The following KCNIP4 variants were observed in gnomAD, a reference collection of about 807,000 sequenced individuals.
KCNIP4 encodes potassium voltage-gated channel interacting protein 4.
A neutral mutation model predicts 34.0 loss-of-function variants in KCNIP4; 12 were observed. The observed-to-expected ratio is 0.35, with a 90% CI of 0.23 to 0.57. The LOEUF is 0.57. KCNIP4 is among the 20% of genes least tolerant of loss of function. The pLI is 0.83. For synonymous variants in KCNIP4, 124 were observed against 102.2 expected, an observed-to-expected ratio of 1.21 and a Z score of -1.29; for missense variants, 238 against 311.7, an observed-to-expected ratio of 0.76 and a Z score of 1.78.
At chr4:21,862,391 C>A (rs753812146) in intron 1 of KCNIP4, among the ~76,000 whole-genome samples, 4 of 152,072 alleles carry the variant, frequency 2.6e-5, no homozygotes, top group Non-Finnish European at 5.9e-5. Flanking sequence ...AAATAAAATT[C>A]TCTGTTCTAA....
At chr4:21,044,446 G>A (rs1742255751) in intron 1 of KCNIP4, among the ~76,000 whole-genome samples, 1 of 152,016 alleles carries the variant, frequency 6.6e-6, no homozygotes, top group African/African-American at 2.4e-5. Context: ...CAAGTAGCTG[G>A]GACTAGAGGC....
intron 2 of KCNIP4, among the ~76,000 whole-genome samples, chr4:20,879,240 C>T (rs977051274): frequency 2.6e-5 from 4 of 152,110 alleles, no homozygotes; most frequent in South Asian, 4.1e-4. Context: ...CTGGTTGAGG[C>T]GATACTAGTG....
At chr4:21,696,152 T>TA (rs1262298076) in intron 1 of KCNIP4, among the ~76,000 whole-genome samples, 1 of 152,166 alleles carries the variant, frequency 6.6e-6, no homozygotes, top group African/African-American at 2.4e-5. Context: ...ATCCTCTTAA[T>TA]ATCTATTAAT....
chr4:21,096,956 G>A lies in KCNIP4; in HGVS notation c.62-214247C>T, dbSNP rs78796893. Among the ~76,000 whole-genome samples, 492 of 151,848 alleles carry A rather than the reference G, an allele frequency of 3.2e-3. 2 individuals are homozygous for A. The highest frequency in any genetic ancestry group is 0.011 in the African/African-American group (450 of 41,394). ...TAATTTAAAGCTGGACAGACAATGG[G>A]ACAAAGTTTCAGCCATTAAACTCCA... On this transcript the variant is annotated intron_variant, in intron 1 of 8. Coordinates refer to ENST00000382152, the MANE Select transcript of KCNIP4 (RefSeq NM_025221.6).
chr4:21,123,790 C>T (rs1431230357), intron 1 of KCNIP4, among the ~76,000 whole-genome samples: 1 of 151,978 alleles, frequency 6.6e-6, no homozygotes, highest in African/African-American at 2.4e-5. Flanking sequence ...GAAGAGATAC[C>T]AGAGTACTCT....
chr4:20,863,347 G>A (rs1330890297), intron 2 of KCNIP4, among the ~76,000 whole-genome samples: 4 of 152,004 alleles, frequency 2.6e-5, no homozygotes, highest in Non-Finnish European at 4.4e-5. Flanking sequence ...TCAGATTATC[G>A]GTCTAGGTGG....
intron 1 of KCNIP4, among the ~76,000 whole-genome samples, chr4:21,686,525 G>A (rs558894988): frequency 7.9e-5 from 12 of 151,888 alleles, no homozygotes; most frequent in South Asian, 2.1e-4. Flanking sequence ...TATGTTCCCC[G>A]TAGAAAAATG....
intron 1 of KCNIP4, among the ~76,000 whole-genome samples, chr4:21,281,724 A>G (rs1446037076): frequency 1.3e-5 from 2 of 152,190 alleles, no homozygotes; most frequent in African/African-American, 4.8e-5. Flanking sequence ...CATTCCAATT[A>G]TTTGAAAATT....
intron 1 of KCNIP4, among the ~76,000 whole-genome samples, chr4:21,782,888 T>G (rs1006566497): frequency 2.0e-5 from 3 of 152,010 alleles, no homozygotes; most frequent in African/African-American, 7.2e-5. Flanking sequence ...GATCTCAAAG[T>G]CATTATGCCT....
intron 1 of KCNIP4, among the ~76,000 whole-genome samples, chr4:21,888,026 ATTC>A (rs1271785751): frequency 6.6e-6 from 1 of 152,088 alleles, no homozygotes; most frequent in Non-Finnish European, 1.5e-5. Flanking sequence ...TATTGTTCTG[ATTC>A]TTCTTCATTA....
intron 1 of KCNIP4, among the ~76,000 whole-genome samples, chr4:21,673,936 T>G (rs548294915): frequency 6.6e-6 from 1 of 152,210 alleles, no homozygotes. Context: ...TGTTTCTATA[T>G]GTGATTTAAA....
intron 1 of KCNIP4, among the ~76,000 whole-genome samples, chr4:21,357,803 G>T (rs574220150): frequency 6.6e-6 from 1 of 152,244 alleles, no homozygotes; most frequent in Admixed American, 6.5e-5. Flanking sequence ...ATTTGACCCA[G>T]CCATCCTATT....
intron 1 of KCNIP4, among the ~76,000 whole-genome samples, chr4:21,311,991 T>C (rs763220645): frequency 6.6e-6 from 1 of 152,132 alleles, no homozygotes; most frequent in Non-Finnish European, 1.5e-5. Flanking sequence ...TTTGGTCTAG[T>C]TCCATGACTA....
At chr4:20,984,244 C>T (rs1276557967) in intron 1 of KCNIP4, among the ~76,000 whole-genome samples, 1 of 152,218 alleles carries the variant, frequency 6.6e-6, no homozygotes, top group East Asian at 1.9e-4. Flanking sequence ...AAACGTCTGT[C>T]GGAGAACTGG....
At chr4:21,885,865 C>T (rs1194071206) in intron 1 of KCNIP4, among the ~76,000 whole-genome samples, 3 of 152,036 alleles carry the variant, frequency 2.0e-5, no homozygotes, top group African/African-American at 7.2e-5. Context: ...GTCCTGATTG[C>T]CACGAAGATG....
intron 1 of KCNIP4, among the ~76,000 whole-genome samples, chr4:21,670,812 C>T (rs554128539): frequency 7.2e-5 from 11 of 152,114 alleles, no homozygotes; most frequent in East Asian, 5.8e-4. Flanking sequence ...CCTGCAACCA[C>T]GCCCGGCTTA....
chr4:21,928,279 C>T (rs1251820716), intron 1 of KCNIP4, among the ~76,000 whole-genome samples: 2 of 152,126 alleles, frequency 1.3e-5, no homozygotes, highest in East Asian at 1.9e-4. Context: ...CTGGACACTG[C>T]TAGATGACTT....
intron 1 of KCNIP4, among the ~76,000 whole-genome samples, chr4:20,971,802 G>T (rs1734977197): frequency 6.6e-6 from 1 of 152,164 alleles, no homozygotes; most frequent in African/African-American, 2.4e-5. Flanking sequence ...TTTCACAAGA[G>T]ATTTCTCTTT....
intron 2 of KCNIP4, among the ~76,000 whole-genome samples, chr4:20,873,898 C>T (rs1723737281): frequency 6.6e-6 from 1 of 152,170 alleles, no homozygotes; most frequent in African/African-American, 2.4e-5. Flanking sequence ...TTTTGAAGTA[C>T]CTAGAATGCT....
Sources: gnomAD v4.1 joint callset for allele counts (sites outside exome capture counted in the v4.1 genomes callset) on GRCh38, gnomAD v4.1.1 for gene constraint, MANE v1.5 for transcripts, NCBI Gene and HGNC (gene_info 2026-07-23, HGNC 2026-07-21) for gene names.